EFCAB5: variants seen among roughly 807,000 people sequenced by gnomAD.
EFCAB5 encodes EF-hand calcium binding domain 5, also known as EF-hand calcium-binding domain-containing protein 5.
Under a neutral mutation model 167.9 loss-of-function variants are expected in EFCAB5, and 131 were observed. The ratio of observed to expected loss-of-function variants is 0.78; its 90% CI spans 0.68 to 0.90. EFCAB5 has a LOEUF of 0.90. Ranked by LOEUF, EFCAB5 falls within the 40% of genes least tolerant of loss-of-function variation. EFCAB5 has a pLI of 0.00. For synonymous variants in EFCAB5, 574 were observed against 602.8 expected, an observed-to-expected ratio of 0.95 and a Z score of 0.70; for missense variants, 1,663 against 1,745.2, an observed-to-expected ratio of 0.95 and a Z score of 0.84.
rs753871438 is a variant in EFCAB5 at position 29,968,866 on chromosome 17, T to G, written c.266T>G (p.Ile89Ser). 8 of 1,560,308 alleles carry G rather than the reference T, an allele frequency of 5.1e-6. No homozygotes were observed. The highest frequency in any genetic ancestry group is 6.1e-6 in the Non-Finnish European group (7 of 1,151,614). Reference sequence around the variant, plus strand: ...TCTAAAACTGAAGCCTCAGGTAATATTGCAATTAGAAAATCTGCAAAAGTG... The same window carrying G: ...TCTAAAACTGAAGCCTCAGGTAATAGTGCAATTAGAAAATCTGCAAAAGTG... The part of the protein sequence containing the change: ...KDSKTEASGN[I>S]AIRKSAKVIF... The change falls in exon 4 of 23, where the codon ATT (isoleucine) becomes AGT (serine). Residue 89 changes from isoleucine to serine, a missense_variant. Ile to Ser is a moderately radical substitution (Grantham distance 142, BLOSUM62 -2). Coordinates refer to ENST00000394835, the MANE Select transcript of EFCAB5 (RefSeq NM_198529.4).
chr17:29,956,737 C>T (rs554536577), intron 3 of EFCAB5, among the ~76,000 whole-genome samples: 2 of 152,122 alleles, frequency 1.3e-5, no homozygotes, highest in East Asian at 3.9e-4. Context: ...AGAGCACATA[C>T]TCTGTGATTC....
At chr17:29,954,318 G>A (rs1434904439) in intron 3 of EFCAB5, among the ~76,000 whole-genome samples, 1 of 152,170 alleles carries the variant, frequency 6.6e-6, no homozygotes, top group East Asian at 1.9e-4. Context: ...GGCCTAGGAG[G>A]GAAAATGGTT....
At chr17:30,024,814 T>C (rs926235557) in intron 7 of EFCAB5, among the ~76,000 whole-genome samples, 3 of 152,188 alleles carry the variant, frequency 2.0e-5, no homozygotes, top group African/African-American at 7.2e-5. Context: ...CAAAACAGCG[T>C]GGTACTGGTA....
intron 7 of EFCAB5, among the ~76,000 whole-genome samples, chr17:30,032,611 T>C (rs2069507383): frequency 6.6e-6 from 1 of 152,190 alleles, no homozygotes; most frequent in African/African-American, 2.4e-5. Context: ...CTTGTTAAAA[T>C]AATTATTATC....
At chr17:29,945,292 A>G (rs536450449) in intron 3 of EFCAB5, among the ~76,000 whole-genome samples, 1 of 151,174 alleles carries the variant, frequency 6.6e-6, no homozygotes, top group South Asian at 2.1e-4. Context: ...TATAGATGTT[A>G]GTTGTAATTT....
intron 7 of EFCAB5, among the ~76,000 whole-genome samples, chr17:30,004,887 G>A (rs980668943): frequency 5.5e-5 from 8 of 145,532 alleles, no homozygotes; most frequent in Admixed American, 2.8e-4. Flanking sequence ...TGCCTACCTC[G>A]GCCTCCCAAA....
intron 7 of EFCAB5, among the ~76,000 whole-genome samples, chr17:30,026,355 A>T (rs2069322742): frequency 6.6e-6 from 1 of 152,084 alleles, no homozygotes. Flanking sequence ...TTCCATTAGA[A>T]AAACAAGCTG....
rs769151071 is a variant in EFCAB5, at chr17:30,090,472, CT to C, written c.3736del (p.Cys1246ValfsTer6). 1 of 1,613,948 alleles carries C rather than the reference CT, an allele frequency of 6.2e-7. No individual in the cohort carries two copies. The highest frequency in any genetic ancestry group is 8.5e-7 in the Non-Finnish European group (1 of 1,179,884). Reference sequence around the variant, plus strand: ...GTTCAGAAGTTGTTCTGGCTTCTGCCTGTGGAGAAACGCATATAGTAGTTCC... The same window carrying C: ...GTTCAGAAGTTGTTCTGGCTTCTGCCGTGGAGAAACGCATATAGTAGTTCC... ...DSSEVVLASA[C>X]GETHIVVPLR... On this transcript the variant is annotated frameshift_variant, in exon 20 of 23. Transcript: ENST00000394835. LOFTEE classifies it high-confidence loss of function.
intron 3 of EFCAB5, among the ~76,000 whole-genome samples, chr17:29,953,774 G>A (rs1385207458): frequency 6.6e-6 from 1 of 152,240 alleles, no homozygotes; most frequent in African/African-American, 2.4e-5. Context: ...GAAGAGGTTG[G>A]AACAGTTTGT....
chr17:29,979,152 C>T (rs555530727), intron 4 of EFCAB5, among the ~76,000 whole-genome samples: 107 of 152,164 alleles, frequency 7.0e-4, no homozygotes, highest in Non-Finnish European at 1.3e-3. Context: ...GAGTTCAAGA[C>T]CAGCCTGGCC....
chr17:29,939,311 C>T (rs1185984934), upstream of EFCAB5, among the ~76,000 whole-genome samples: 1 of 152,148 alleles, frequency 6.6e-6, no homozygotes, highest in Non-Finnish European at 1.5e-5. Context: ...TTTGTTGTTC[C>T]ATTTATAGAG....
intron 5 of EFCAB5, among the ~76,000 whole-genome samples, chr17:29,993,591 G>C (rs1405303036): frequency 6.6e-6 from 1 of 151,908 alleles, no homozygotes; most frequent in Non-Finnish European, 1.5e-5. Flanking sequence ...TATTTCATTT[G>C]TTTGTTTGTT....
chr17:29,941,563 T>A (rs970117394), upstream of EFCAB5: 16 of 346,192 alleles, frequency 4.6e-5, no homozygotes, highest in Admixed American at 2.8e-4. Context: ...CCCTGAGCAA[T>A]GATCTAGCTT....
At chr17:30,002,195 T>G (rs2068677603) in intron 7 of EFCAB5, among the ~76,000 whole-genome samples, 1 of 152,214 alleles carries the variant, frequency 6.6e-6, no homozygotes, top group Non-Finnish European at 1.5e-5. Flanking sequence ...TTTTTTTATT[T>G]TGAAATAATT....
In EFCAB5 at chr17:30,090,492, T is replaced by C. The variant is rs4499292; in HGVS notation, c.3755T>C (p.Val1252Ala). 1,171 of 1,614,020 alleles carry C rather than the reference T, an allele frequency of 7.3e-4. 7 individuals are homozygous for C. The African/African-American group carries it at 0.013, about 18-fold the overall frequency. ...TCTGCCTGTGGAGAAACGCATATAG[T>C]AGTTCCACTTCGTGAGAGAACAGGA... is the stretch of plus-strand genomic sequence containing the variant. ...LASACGETHI[V>A]VPLRERTGEA... is the part of the protein sequence containing the mutation. Residue 1252 changes from valine to alanine, a missense_variant, in exon 20 of 23, where the codon GTA (valine) becomes GCA (alanine). Coordinates refer to ENST00000394835, the MANE Select transcript of EFCAB5 (RefSeq NM_198529.4).
intron 3 of EFCAB5, among the ~76,000 whole-genome samples, chr17:29,967,614 T>C (rs1470718641): frequency 6.6e-6 from 1 of 152,206 alleles, no homozygotes; most frequent in Non-Finnish European, 1.5e-5. Context: ...ATCTTCAAAA[T>C]TCCTGACTCC....
chr17:29,980,852 C>A (rs556707754), intron 4 of EFCAB5, among the ~76,000 whole-genome samples: 1 of 152,278 alleles, frequency 6.6e-6, no homozygotes, highest in Non-Finnish European at 1.5e-5. Flanking sequence ...TTCATAAGCA[C>A]CTCAGTTTCA....
chr17:29,952,341 G>T (rs1392188908), intron 3 of EFCAB5, among the ~76,000 whole-genome samples: 1 of 152,138 alleles, frequency 6.6e-6, no homozygotes, highest in African/African-American at 2.4e-5. Context: ...TCCAACATAT[G>T]AATTTTGGAG....
chr17:30,065,984 A>C (rs1278661949), intron 14 of EFCAB5, among the ~76,000 whole-genome samples: 3 of 152,184 alleles, frequency 2.0e-5, no homozygotes, highest in Non-Finnish European at 4.4e-5. Context: ...GGAGAGATAG[A>C]CTCTAATACA....
Sources: gnomAD v4.1 joint callset for allele counts (sites outside exome capture counted in the v4.1 genomes callset) on GRCh38, gnomAD v4.1.1 for gene constraint, MANE v1.5 for transcripts, NCBI Gene and HGNC (gene_info 2026-07-23, HGNC 2026-07-21) for gene names.